The following A4GALT variants were observed in gnomAD, a reference collection of about 807,000 sequenced individuals.
A4GALT encodes the protein alpha 1,4-galactosyltransferase (P1PK blood group), also known as lactosylceramide 4-alpha-galactosyltransferase.
For missense variants in A4GALT, 512 were observed against 486.0 expected (o/e 1.05, Z -0.50); for synonymous variants, 257 against 220.7 (o/e 1.16, Z -1.46).
rs867699694 is a variant in A4GALT at position 42,709,065 on chromosome 22, A to T, written c.-188+11732T>A. ...AAAATTTAAATATATATATATATAT[A>T]TATTTTTTTTAAGACAGGGTCTGCT... On this transcript the variant is annotated intron_variant, in intron 1 of 2. Transcript: ENST00000642412. 7.4e-3 allele frequency among the ~76,000 whole-genome samples: 690 copies of T among 93,648 alleles called. 9 individuals carry two copies. Among genetic ancestry groups the T allele is most frequent in the African/African-American group, 0.02 (664 of 33,424 alleles). 61.4% of individuals were successfully genotyped at this position (93,648 alleles called of 152,430 possible).
At position 42,693,912 on chromosome 22, in the gene A4GALT, C is replaced by T. The variant is rs924993570; in HGVS notation, c.40G>A (p.Gly14Ser). The T allele has an allele frequency of 1.2e-6, 2 of 1,605,260 alleles. No homozygotes were observed. The highest frequency in any genetic ancestry group is 1.7e-6 in the Non-Finnish European group (2 of 1,176,656). Residue 14 changes from glycine (G) to serine (S), a missense_variant, in exon 3 of 3, where the codon GGC becomes AGC. Coordinates refer to ENST00000642412, the MANE Select transcript of A4GALT (RefSeq NM_017436.7). ...PPDLLLRLLRGAPRQRVCTLF... is the reference protein window; with the variant it reads ...PPDLLLRLLRSAPRQRVCTLF... ...GTGCAGACCCGCTGCCTTGGGGCGC[C>T]CCGGAGCAGCCGCAGCAGGAGGTCG...
At chr22:42,717,743 C>G (rs1333340806) in intron 1 of A4GALT, among the ~76,000 whole-genome samples, 1 of 152,134 alleles carries the variant, frequency 6.6e-6, no homozygotes, top group African/African-American at 2.4e-5. Flanking sequence ...CTCTGTCTCA[C>G]AGACATACAC....
chr22:42,703,949 G>A (rs923036090), intron 1 of A4GALT, among the ~76,000 whole-genome samples: 1 of 152,078 alleles, frequency 6.6e-6, no homozygotes, highest in African/African-American at 2.4e-5. Flanking sequence ...ACCCACCTCT[G>A]CCCCTCCCTG....
Position 42,693,823 on chromosome 22 carries a change from CACA to C in A4GALT, c.126_128del (p.Val43del), listed in dbSNP as rs1177014175. 2.7e-5 allele frequency: 43 copies of C among 1,606,852 alleles called. No homozygotes were observed. Among genetic ancestry groups the C allele is most frequent in the Non-Finnish European group, 3.5e-5 (41 of 1,177,062 alleles). ...GCTGCCCTTTCTCCTTGGGCTCTCC[CACA>C]ACGTGCCAGTAGATCATGATGGAGA... On this transcript the variant is annotated inframe_deletion, in exon 3 of 3. Transcript: ENST00000642412.
chr22:42,716,754 G>A (rs1252974779), intron 1 of A4GALT, among the ~76,000 whole-genome samples: 2 of 152,212 alleles, frequency 1.3e-5, no homozygotes, highest in Admixed American at 1.3e-4. Flanking sequence ...TGGTGGCTGA[G>A]AGGGTCTGGT....
intron 1 of A4GALT, among the ~76,000 whole-genome samples, chr22:42,698,456 A>T (rs1352041889): frequency 2.0e-5 from 3 of 152,128 alleles, no homozygotes; most frequent in Non-Finnish European, 4.4e-5. Flanking sequence ...ACCTGTCCCT[A>T]CAGTAAGGGC....
chr22:42,701,074 CCCACCCACCT>C (rs1931269630), intron 1 of A4GALT, among the ~76,000 whole-genome samples: 1 of 152,212 alleles, frequency 6.6e-6, no homozygotes, highest in Non-Finnish European at 1.5e-5. Context: ...GGGTCCCCTC[CCCACCCACCT>C]CCACCCTTGC....
chr22:42,705,239 T>C (rs1409494034), intron 1 of A4GALT, among the ~76,000 whole-genome samples: 1 of 151,908 alleles, frequency 6.6e-6, no homozygotes, highest in Non-Finnish European at 1.5e-5. Flanking sequence ...TTTAAAGGCA[T>C]AAAACAAAAT....
intron 1 of A4GALT, among the ~76,000 whole-genome samples, chr22:42,699,786 C>T (rs1774261767): frequency 6.6e-6 from 1 of 152,178 alleles, no homozygotes; most frequent in African/African-American, 2.4e-5. Flanking sequence ...ACACAGGGTG[C>T]CCCAATTAAA....
intron 1 of A4GALT, among the ~76,000 whole-genome samples, chr22:42,717,469 C>T (rs748134149): frequency 3.4e-4 from 52 of 152,180 alleles, no homozygotes; most frequent in Non-Finnish European, 5.1e-4. Context: ...AAAGCCAATT[C>T]ATCAAGTGTC....
In A4GALT at chr22:42,697,678, G is replaced by A. The variant is rs59585684; in HGVS notation, c.-187-2047C>T. Among the ~76,000 whole-genome samples the A allele has an allele frequency of 3.6e-3, 543 of 152,264 alleles. 13 individuals carry two copies. The East Asian group carries it at 0.091, about 26-fold the overall frequency. ...AACTGTGTATGGGGCCAAGTTGGCC[G>A]CAGCCCAATATCCAGGTGACCTCAG... On this transcript the variant is annotated intron_variant, in intron 1 of 2. Transcript: ENST00000642412.
intron 1 of A4GALT, among the ~76,000 whole-genome samples, chr22:42,710,929 G>T (rs1921634156): frequency 6.6e-6 from 1 of 151,818 alleles, no homozygotes; most frequent in Non-Finnish European, 1.5e-5. Flanking sequence ...GGAGGCTGAG[G>T]CGAGAGAATT....
chr22:42,699,408 C>G (rs995145223), intron 1 of A4GALT, among the ~76,000 whole-genome samples: 2 of 152,156 alleles, frequency 1.3e-5, no homozygotes, highest in East Asian at 3.9e-4. Flanking sequence ...AGTAAACTTG[C>G]TTTCACTTTG....
In A4GALT at chr22:42,693,407, A is replaced by C. The variant is rs1930634047; in HGVS notation, c.545T>G (p.Leu182Arg). The change falls in exon 3 of 3, where the codon CTC becomes CGC. Residue 182 changes from leucine to arginine, a missense_variant. Physicochemically the swap from Leu to Arg is moderately radical, Grantham distance 102. Coordinates refer to ENST00000642412, the MANE Select transcript of A4GALT (RefSeq NM_017436.7). ...GTAGATGCCGCCGAACTTCCACATG[A>C]GTGCGATCCTGGAGGCGTCGGAGAG... ...PVLSDASRIALMWKFGGIYLD... is the reference protein window; with the variant it reads ...PVLSDASRIARMWKFGGIYLD... 1 of 1,613,314 alleles carries C rather than the reference A, an allele frequency of 6.2e-7. No individual in the cohort carries two copies. Among genetic ancestry groups the C allele is most frequent in the Non-Finnish European group, 8.5e-7 (1 of 1,179,986 alleles).
intron 1 of A4GALT, among the ~76,000 whole-genome samples, chr22:42,714,424 C>T (rs1484917934): frequency 2.0e-5 from 3 of 151,220 alleles, no homozygotes; most frequent in Non-Finnish European, 4.4e-5. Flanking sequence ...CCCGTTTCTT[C>T]AAAAAATACA....
At chr22:42,719,291 T>C (rs1218723595) in intron 1 of A4GALT, among the ~76,000 whole-genome samples, 1 of 152,102 alleles carries the variant, frequency 6.6e-6, no homozygotes, top group African/African-American at 2.4e-5. Context: ...ATTAGAAAAA[T>C]GTTTGAGAGA....
chr22:42,702,716 GT>G (rs1920931040), intron 1 of A4GALT, among the ~76,000 whole-genome samples: 1 of 115,796 alleles, frequency 8.6e-6, no homozygotes, highest in South Asian at 2.3e-4. Flanking sequence ...GAACTGGGTG[GT>G]TTTGGGGAGG....
In A4GALT at chr22:42,693,877, G is replaced by A; in HGVS notation, c.75C>T (p.Ile25=). ...APRQRVCTLF[I]IGFKFTFFVS... is the part of the protein sequence containing the mutation. ...CGAAAAACGTGAACTTGAAGCCGAT[G>A]ATGAACAGGGTGCAGACCCGCTGCC... The change falls in exon 3 of 3, where the codon ATC becomes ATT. Residue 25 remains isoleucine (I), a synonymous_variant. Coordinates refer to ENST00000642412, the MANE Select transcript of A4GALT (RefSeq NM_017436.7). The A allele has an allele frequency of 6.2e-7, 1 of 1,610,570 alleles. No individual in the cohort carries two copies. Among genetic ancestry groups the A allele is most frequent in the Non-Finnish European group, 8.5e-7 (1 of 1,178,978 alleles).
chr22:42,706,842 T>C (rs1372244237), intron 1 of A4GALT, among the ~76,000 whole-genome samples: 1 of 149,924 alleles, frequency 6.7e-6, no homozygotes, highest in African/African-American at 2.5e-5. Context: ...TAAAAGCAAA[T>C]GCAAACAAAA....
Sources: gnomAD v4.1 joint callset for allele counts (sites outside exome capture counted in the v4.1 genomes callset) on GRCh38, gnomAD v4.1.1 for gene constraint, MANE v1.5 for transcripts, NCBI Gene and HGNC (gene_info 2026-07-23, HGNC 2026-07-21) for gene names.